Variants in TEX2 observed in about 807,000 individuals in gnomAD.
The protein encoded by TEX2 is testis expressed 2.
A neutral mutation model predicts 106.9 loss-of-function variants in TEX2; 53 were observed. The observed-to-expected ratio is 0.50, with a 90% CI of 0.40 to 0.62. The LOEUF (loss-of-function observed/expected upper bound fraction) is 0.62, where lower values mean the gene tolerates loss of function less well. Ranked by LOEUF, TEX2 falls within the 20% of genes least tolerant of loss-of-function variation. The pLI is 0.00. For missense variants in TEX2, 1,207 were observed against 1,379.0 expected (o/e 0.88, Z 1.98); for synonymous variants, 523 against 534.8 (o/e 0.98, Z 0.30).
rs140759190 is a variant in TEX2 at position 64,177,364 on chromosome 17, C to T, written c.2532G>A (p.Leu844=). ...DFLGEKYWSD[L]VSKKIQMKLS... The stretch of plus-strand genomic sequence containing the variant: ...GTTTCATTTGGATCTTCTTAGACAC[C>T]AGATCAGACCAGTATTTCTCTCCTA... Residue 844 remains leucine (L), a synonymous_variant, in exon 6 of 12, where the codon CTG becomes CTA. Transcript: ENST00000584379. 5 of 1,613,920 alleles carry T rather than the reference C, an allele frequency of 3.1e-6. No individual in the cohort carries two copies. In the African/African-American group the frequency reaches 5.3e-5, roughly 17 times the overall value.
chr17:64,237,970 C>T (rs142504238), intron 1 of TEX2, among the ~76,000 whole-genome samples: 213 of 152,256 alleles, frequency 1.4e-3, no homozygotes, highest in African/African-American at 5.0e-3. Context: ...TTAAAAGTCA[C>T]GAACTTCTAA....
rs2031367138 is a variant in TEX2, at chr17:64,170,988, A to C, written c.2671+112T>G. The C allele has an allele frequency of 3.7e-6, 3 of 818,374 alleles. No individual in the cohort carries two copies. The East Asian group carries it at 8.1e-5, about 22-fold the overall frequency. 50.7% of individuals were successfully genotyped at this position (818,374 alleles called of 1,614,324 possible). Reference sequence around the variant, plus strand: ...AAGAACAGAAAGACACTCAACATGAAACAGATGATTTAAAAAGTCCTCAAC... The same window carrying C: ...AAGAACAGAAAGACACTCAACATGACACAGATGATTTAAAAAGTCCTCAAC... On this transcript the variant is annotated intron_variant, in intron 7 of 11. Transcript: ENST00000584379.
chr17:64,229,556 T>C (rs929184527), intron 1 of TEX2, among the ~76,000 whole-genome samples: 2 of 152,174 alleles, frequency 1.3e-5, no homozygotes, highest in Non-Finnish European at 2.9e-5. Flanking sequence ...TCTATCTTTT[T>C]CTTTATGGCT....
chr17:64,179,433 C>A (rs1267929856), intron 5 of TEX2, among the ~76,000 whole-genome samples: 1 of 152,196 alleles, frequency 6.6e-6, no homozygotes, highest in Non-Finnish European at 1.5e-5. Context: ...GCAGCGGCAA[C>A]CTGCTTGGGT....
In TEX2 at chr17:64,260,629, C is replaced by A. The variant is rs1477494271; in HGVS notation, c.-26+2539G>T. Among the ~76,000 whole-genome samples the A allele has an allele frequency of 3.3e-5, 5 of 152,310 alleles. No individual in the cohort carries two copies. The South Asian group carries it at 1.0e-3, about 32-fold the overall frequency. On this transcript the variant is annotated intron_variant, in intron 1 of 11. Transcript: ENST00000584379. ...CCTCCATTAGAGGGCTGCTCTAGGA[C>A]TGGAGAGGATATATACATAAGGGGC...
chr17:64,236,754 T>C (rs2033777092), intron 1 of TEX2, among the ~76,000 whole-genome samples: 1 of 152,216 alleles, frequency 6.6e-6, no homozygotes, highest in Non-Finnish European at 1.5e-5. Context: ...CTCTTATTTT[T>C]CCCTCAATTT....
intron 1 of TEX2, chr17:64,255,586 A>G (rs946894386): frequency 4.8e-4 from 73 of 152,228 alleles, no homozygotes; most frequent in African/African-American, 1.7e-3. Flanking sequence ...AGAGCAAAAG[A>G]TATTTTGAAA....
chr17:64,251,967 G>T (rs2034101517), intron 1 of TEX2, among the ~76,000 whole-genome samples: 1 of 152,186 alleles, frequency 6.6e-6, no homozygotes, highest in Non-Finnish European at 1.5e-5. Context: ...GAGCAGGGCA[G>T]AATCCCTACC....
intron 9 of TEX2, 21 bp downstream of exon 9, chr17:64,154,821 C>T (rs766466562): frequency 6.4e-7 from 1 of 1,567,718 alleles, no homozygotes; most frequent in South Asian, 1.2e-5. Flanking sequence ...CTCAGAGGCA[C>T]AGAAGCACTG....
In TEX2 at chr17:64,217,216, G is replaced by C. The variant is rs549145278; in HGVS notation, c.-25-2974C>G. Among the ~76,000 whole-genome samples, 1 of 152,272 alleles carries C rather than the reference G, an allele frequency of 6.6e-6. No homozygotes were observed. The highest frequency in any genetic ancestry group is 2.1e-4 in the South Asian group (1 of 4,818). On this transcript the variant is annotated intron_variant, in intron 1 of 11. Transcript: ENST00000584379. The surrounding 1 kb of genome is among the most constrained non-coding windows in gnomAD (Gnocchi z 4.3). ...TTGGGCTCTAGACAACCTATCAAGT[G>C]GTCACTGCCTCTGCCTCCTCCTGGG...
At chr17:64,245,695 C>G (rs1372667405) in intron 1 of TEX2, among the ~76,000 whole-genome samples, 1 of 152,168 alleles carries the variant, frequency 6.6e-6, no homozygotes, top group African/African-American at 2.4e-5. Context: ...TGATCCTAAA[C>G]CTTTGACTTT....
chr17:64,242,331 T>C (rs2033902912), intron 1 of TEX2: 1 of 152,238 alleles, frequency 6.6e-6, no homozygotes, highest in Non-Finnish European at 1.5e-5. Flanking sequence ...GACTATAACA[T>C]GGTAATTCTC....
chr17:64,176,599 A>G (rs930062417), intron 6 of TEX2, among the ~76,000 whole-genome samples: 1 of 152,212 alleles, frequency 6.6e-6, no homozygotes, highest in Non-Finnish European at 1.5e-5. Flanking sequence ...AAGATCCTCA[A>G]TAAGGTCTCC....
At chr17:64,200,862 T>A (rs566773047) in intron 2 of TEX2, among the ~76,000 whole-genome samples, 2 of 152,104 alleles carry the variant, frequency 1.3e-5, no homozygotes, top group African/African-American at 4.8e-5. Context: ...ACCCCCATCT[T>A]TTCAGAATCA....
intron 1 of TEX2, among the ~76,000 whole-genome samples, chr17:64,258,579 C>T (rs189563465): frequency 3.3e-5 from 5 of 152,242 alleles, no homozygotes; most frequent in Admixed American, 1.3e-4. Context: ...TTATCACCTG[C>T]GTATTGTTTT....
chr17:64,229,895 T>A (rs2033616120), intron 1 of TEX2, among the ~76,000 whole-genome samples: 2 of 152,190 alleles, frequency 1.3e-5, no homozygotes, highest in South Asian at 4.1e-4. Context: ...GTATTTCAGA[T>A]TAATTCTTCA....
intron 1 of TEX2, among the ~76,000 whole-genome samples, chr17:64,238,922 T>C (rs1486128162): frequency 6.6e-6 from 1 of 152,158 alleles, no homozygotes; most frequent in African/African-American, 2.4e-5. Flanking sequence ...TAAGCACCAA[T>C]TCACTAAAAG....
intron 1 of TEX2, among the ~76,000 whole-genome samples, chr17:64,239,918 G>C (rs138875578): frequency 0.025 from 3,105 of 125,174 alleles, 79 homozygotes; most frequent in South Asian, 0.078. Context: ...GAGAAGATAA[G>C]AGAAGAGAAA....
intron 1 of TEX2, among the ~76,000 whole-genome samples, chr17:64,258,337 A>G (rs1191341818): frequency 6.6e-6 from 1 of 152,202 alleles, no homozygotes; most frequent in East Asian, 1.9e-4. Flanking sequence ...AGCACTATCC[A>G]TGGTTTCAGG....
Sources: allele counts gnomAD v4.1 joint callset (sites outside exome capture counted in the v4.1 genomes callset), GRCh38; gene constraint gnomAD v4.1.1; non-coding constraint Gnocchi (gnomAD v3.1); transcripts MANE v1.5; gene names NCBI Gene and HGNC (gene_info 2026-07-23, HGNC 2026-07-21).